Variants in GRHL2 observed in about 807,000 individuals in gnomAD.
The protein encoded by GRHL2 is grainyhead like transcription factor 2.
A neutral mutation model predicts 83.8 loss-of-function variants in GRHL2; 21 were observed. The observed-to-expected ratio is 0.25, with a 90% CI of 0.18 to 0.36. The LOEUF (loss-of-function observed/expected upper bound fraction) is 0.36. Among genes scored for constraint, GRHL2 ranks in the 10% least tolerant of loss-of-function variants. The pLI, the probability that GRHL2 is intolerant of heterozygous loss-of-function variation, is 1.00. For missense variants in GRHL2, 623 were observed against 781.8 expected (o/e 0.80, Z 2.42); for synonymous variants, 280 against 278.9 (o/e 1.00, Z -0.04).
intron 7 of GRHL2, among the ~76,000 whole-genome samples, chr8:101,578,428 G>T (rs1426411442): frequency 6.6e-6 from 1 of 152,194 alleles, no homozygotes; most frequent in Non-Finnish European, 1.5e-5. Flanking sequence ...CCCATCGGCA[G>T]AATTTAACTC....
downstream of GRHL2, among the ~76,000 whole-genome samples, chr8:101,671,331 T>C (rs1168962952): frequency 6.6e-6 from 1 of 152,150 alleles, no homozygotes; most frequent in East Asian, 1.9e-4. Flanking sequence ...GCTTTTCCAA[T>C]GGGCTTAAAA....
Position 101,666,654 on chromosome 8 carries a change from A to AGAG in GRHL2, c.1829_1830insGAG (p.Asn610delinsLysSer). ...TCGAACGAGGACACCTTCATCCTCA[A>AGAG]CATGGAGAGCATGGTGGAGGGCTTC... is the stretch of plus-strand genomic sequence containing the variant. On this transcript the variant is annotated protein_altering_variant, in exon 16 of 16. Coordinates refer to ENST00000646743, the MANE Select transcript of GRHL2 (RefSeq NM_024915.4). 6.2e-7 allele frequency: 1 copy of AGAG among 1,613,892 alleles called. No individual in the cohort carries two copies. The highest frequency in any genetic ancestry group is 1.1e-5 in the South Asian group (1 of 91,068).
At chr8:101,509,113 C>CT (rs1810399489) in intron 1 of GRHL2, among the ~76,000 whole-genome samples, 2 of 48,458 alleles carry the variant, frequency 4.1e-5, no homozygotes, top group Admixed American at 1.8e-4. Flanking sequence ...TTCTCTCCTT[C>CT]CTTCCTTCCT....
rs67985027 is a variant in GRHL2 at position 101,586,065 on chromosome 8, C to CTTTTT, written c.1003+8567_1003+8571dup. Among the ~76,000 whole-genome samples the CTTTTT allele has an allele frequency of 2.7e-3, 253 of 94,308 alleles. 21 individuals carry two copies. Among genetic ancestry groups the CTTTTT allele is most frequent in the African/African-American group, 9.5e-3 (222 of 23,262 alleles). 61.9% of individuals were successfully genotyped at this position (94,308 alleles called of 152,430 possible). ...TCTTCTTTCCTTCCACCTCATGTTT[C>CTTTTT]TTTTTTTTTTTTTTTTTTTTTTTTT... is the stretch of plus-strand genomic sequence containing the variant. On this transcript the variant is annotated intron_variant, in intron 7 of 15. Transcript: ENST00000646743.
downstream of GRHL2, among the ~76,000 whole-genome samples, chr8:101,674,242 C>A (rs1814254763): frequency 1.3e-5 from 2 of 152,022 alleles, no homozygotes; most frequent in South Asian, 2.1e-4. Context: ...ACACAAAAAA[C>A]CCTTCAAAAA....
intron 14 of GRHL2, among the ~76,000 whole-genome samples, chr8:101,658,067 G>T (rs538561227): frequency 6.6e-6 from 1 of 152,268 alleles, no homozygotes; most frequent in Non-Finnish European, 1.5e-5. Flanking sequence ...TCACTTTCCA[G>T]GGTTCTGAAT....
intron 3 of GRHL2, among the ~76,000 whole-genome samples, chr8:101,557,439 G>A (rs1811511891): frequency 6.6e-6 from 1 of 152,030 alleles, no homozygotes; most frequent in Non-Finnish European, 1.5e-5. Context: ...GGCCAGGCTG[G>A]TCTGGAACTC....
intron 14 of GRHL2, among the ~76,000 whole-genome samples, chr8:101,658,698 T>C (rs2129743897): frequency 6.6e-6 from 1 of 152,376 alleles, no homozygotes; most frequent in South Asian, 2.1e-4. Flanking sequence ...AGATTCACTT[T>C]TCTTTAGGAA....
intron 1 of GRHL2, among the ~76,000 whole-genome samples, chr8:101,521,292 G>T (rs78214674): frequency 6.6e-6 from 1 of 152,152 alleles, no homozygotes; most frequent in Non-Finnish European, 1.5e-5. Flanking sequence ...AGAATGTGCC[G>T]CTTTGGTAGT....
chr8:101,658,667 A>G (rs901967059), intron 14 of GRHL2, among the ~76,000 whole-genome samples: 2 of 152,214 alleles, frequency 1.3e-5, no homozygotes, highest in Admixed American at 1.3e-4. Flanking sequence ...CAAACCCCCA[A>G]AAAGAGAAAA....
intron 7 of GRHL2, among the ~76,000 whole-genome samples, chr8:101,585,600 T>TA (rs1372917880): frequency 6.6e-6 from 1 of 152,160 alleles, no homozygotes; most frequent in African/African-American, 2.4e-5. Context: ...CCCTTGCTGT[T>TA]ATCACGAGTT....
chr8:101,573,030 G>T (rs1325043888), intron 5 of GRHL2, among the ~76,000 whole-genome samples: 1 of 152,194 alleles, frequency 6.6e-6, no homozygotes, highest in Non-Finnish European at 1.5e-5. Flanking sequence ...CAATGAGATG[G>T]ATTTGGCCTA....
chr8:101,602,395 A>G (rs1812535508), intron 8 of GRHL2, among the ~76,000 whole-genome samples: 1 of 152,252 alleles, frequency 6.6e-6, no homozygotes, highest in Admixed American at 6.5e-5. Flanking sequence ...ACGTCTGCAC[A>G]GAAACTTTCA....
At chr8:101,616,192 C>CA (rs1346125160) in intron 8 of GRHL2, among the ~76,000 whole-genome samples, 2 of 149,702 alleles carry the variant, frequency 1.3e-5, no homozygotes, top group African/African-American at 4.9e-5. Context: ...TTCTTTTTGA[C>CA]AGAGTTTCAC....
chr8:101,528,115 T>C (rs969872740), intron 1 of GRHL2, among the ~76,000 whole-genome samples: 1 of 152,172 alleles, frequency 6.6e-6, no homozygotes, highest in Non-Finnish European at 1.5e-5. Flanking sequence ...TCTTCTTTTG[T>C]GTATTTGTTT....
chr8:101,675,599 A>T, the GRHL2 span, among the ~76,000 whole-genome samples: 1 of 152,182 alleles, frequency 6.6e-6, no homozygotes, highest in East Asian at 1.9e-4. Context: ...GCTCATGGGT[A>T]GGAAGAATCA....
At chr8:101,646,493 C>G (rs1401889335) in intron 13 of GRHL2, among the ~76,000 whole-genome samples, 1 of 152,194 alleles carries the variant, frequency 6.6e-6, no homozygotes, top group East Asian at 1.9e-4. Flanking sequence ...CGGGCACTTT[C>G]CTCGGGAGTG....
chr8:101,551,664 T>C (rs1811382389), intron 2 of GRHL2, among the ~76,000 whole-genome samples: 3 of 149,252 alleles, frequency 2.0e-5, no homozygotes, highest in African/African-American at 7.4e-5. Flanking sequence ...AAACAAAAAA[T>C]TCAATCAACC....
intron 1 of GRHL2, among the ~76,000 whole-genome samples, chr8:101,532,283 A>T (rs1217019399): frequency 6.6e-6 from 1 of 152,224 alleles, no homozygotes; most frequent in African/African-American, 2.4e-5. Context: ...TTCCAAAAGA[A>T]AAAAGTAGTT....
Sources: allele counts gnomAD v4.1 joint callset (sites outside exome capture counted in the v4.1 genomes callset), GRCh38; gene constraint gnomAD v4.1.1; transcripts MANE v1.5; gene names NCBI Gene and HGNC (gene_info 2026-07-23, HGNC 2026-07-21).